Variants in CCNB3 observed in about 807,000 individuals in gnomAD.
CCNB3 encodes the protein cyclin B3, also known as G2/mitotic-specific cyclin-B3.
CCNB3 carries 12 observed loss-of-function variants against 68.0 expected under a neutral mutation model. The observed-to-expected ratio is 0.18, with a 90% CI of 0.11 to 0.29. The LOEUF (loss-of-function observed/expected upper bound fraction) is 0.29. Among genes scored for constraint, CCNB3 ranks in the 10% least tolerant of loss-of-function variants. CCNB3 has a pLI of 1.00. For missense variants in CCNB3, 904 were observed against 993.1 expected, an observed-to-expected ratio of 0.91 and a Z score of 1.21; for synonymous variants, 354 against 388.9, an observed-to-expected ratio of 0.91 and a Z score of 1.06.
Position 50,294,971 on chromosome X carries a change from A to C in CCNB3, c.313A>C (p.Lys105Gln), listed in dbSNP as rs141684318. The part of the protein sequence containing the change: ...RNTHALGLAK[K>Q]NKRNLKWHKL... ...CACACATGCTCTTGGACTGGCCAAA[A>C]AGAATAAGCGGAATCTAAAATGGTG... The change falls in exon 5 of 13, where the codon AAG becomes CAG. Residue 105 changes from lysine to glutamine, a missense_variant. Physicochemically the swap from Lys to Gln is moderately conservative, Grantham distance 53. This residue lies in a region of CCNB3 where 619 missense variants were observed against 609.8 expected (regional missense o/e 1.02). Transcript: ENST00000376042. 1 of 1,207,269 alleles carries C rather than the reference A, an allele frequency of 8.3e-7. No individual in the cohort carries two copies.
At chrX:50,302,405 C>A (rs1489783071) in intron 5 of CCNB3, among the ~76,000 whole-genome samples, 2 of 112,000 alleles carry the variant, frequency 1.8e-5, no homozygotes, top group Admixed American at 1.9e-4. Flanking sequence ...TTACTGAGAG[C>A]TCACTGTGAT....
At chrX:50,283,111 T>C (rs1602198318) in intron 1 of CCNB3, among the ~76,000 whole-genome samples, 1 of 111,832 alleles carries the variant, frequency 8.9e-6, no homozygotes, top group East Asian at 2.8e-4. Flanking sequence ...AATTTGCATC[T>C]GAGCCACACA....
intron 8 of CCNB3, among the ~76,000 whole-genome samples, chrX:50,338,693 A>G (rs183667892): frequency 8.9e-6 from 1 of 112,607 alleles, no homozygotes; most frequent in African/African-American, 3.2e-5. Flanking sequence ...TGGTCACAAG[A>G]CAATATGAGG....
intron 5 of CCNB3, among the ~76,000 whole-genome samples, chrX:50,300,885 G>A (rs933030789): frequency 1.1e-4 from 12 of 110,527 alleles, no homozygotes; most frequent in Admixed American, 8.7e-4. Flanking sequence ...CATTCATTTC[G>A]TCTTCCGTTG....
At chrX:50,350,980 A>T (rs1226348191) in intron 11 of CCNB3, among the ~76,000 whole-genome samples, 1 of 111,535 alleles carries the variant, frequency 9.0e-6, no homozygotes. Context: ...TACAGGCATG[A>T]TCCCTACCAC....
rs1470822336 is a variant in CCNB3 at position 50,293,904 on chromosome X, T to C, written c.205-959T>C. ...GTAGTTATGGTACTTATTTGAAATATAATTAGGTTCATTTGTGTCATTTAA... is the reference window on the plus strand; with the variant it reads ...GTAGTTATGGTACTTATTTGAAATACAATTAGGTTCATTTGTGTCATTTAA... On this transcript the variant is annotated intron_variant, in intron 4 of 12. Transcript: ENST00000376042. Among the ~76,000 whole-genome samples the C allele has an allele frequency of 2.7e-5, 3 of 111,781 alleles. No individual in the cohort carries two copies. In the Admixed American group the frequency reaches 2.9e-4, roughly 11 times the overall value.
At chrX:50,341,325 G>A (rs1397013617) in intron 8 of CCNB3, among the ~76,000 whole-genome samples, 2 of 71,606 alleles carry the variant, frequency 2.8e-5, no homozygotes, top group Non-Finnish European at 5.9e-5. Context: ...GCGAAACTCC[G>A]TCTCAATAAA....
chrX:50,328,223 G>C (rs1922393563), intron 8 of CCNB3, among the ~76,000 whole-genome samples: 1 of 112,233 alleles, frequency 8.9e-6, no homozygotes, highest in Non-Finnish European at 1.9e-5. Flanking sequence ...ATTTATTATA[G>C]TACTGTGTTA....
At chrX:50,284,731 C>T (rs1936205233) in intron 2 of CCNB3, 115 bp downstream of exon 2, 1 of 149,788 alleles carries the variant, frequency 6.7e-6, no homozygotes, top group Non-Finnish European at 1.3e-5. Flanking sequence ...CTGTCATGTT[C>T]TTCCTTGTTT....
chrX:50,335,093 G>A (rs781846621), intron 8 of CCNB3, among the ~76,000 whole-genome samples: 245 of 111,931 alleles, frequency 2.2e-3, no homozygotes, highest in African/African-American at 7.7e-3. Flanking sequence ...CCCAGCAGAA[G>A]GTCGTCCGTG....
At chrX:50,332,413 C>G (rs782682205) in intron 8 of CCNB3, among the ~76,000 whole-genome samples, 1 of 111,789 alleles carries the variant, frequency 8.9e-6, no homozygotes, top group African/African-American at 3.3e-5. Context: ...TGTTGCCCTA[C>G]CTCGGTAACC....
intron 1 of CCNB3, among the ~76,000 whole-genome samples, chrX:50,279,032 A>C (rs1259619696): frequency 1.7e-5 from 1 of 57,770 alleles, no homozygotes; most frequent in Non-Finnish European, 2.8e-5. Context: ...GAATATATTT[A>C]TAGAATATAG....
At chrX:50,226,106 G>A (rs1289907485) in intron 1 of CCNB3, among the ~76,000 whole-genome samples, 1 of 71,582 alleles carries the variant, frequency 1.4e-5, no homozygotes, top group South Asian at 7.1e-4. Flanking sequence ...TATAGAATAT[G>A]TATAAATATA....
At chrX:50,279,431 TAA>T (rs1936040255) in intron 1 of CCNB3, among the ~76,000 whole-genome samples, 4 of 73,461 alleles carry the variant, frequency 5.4e-5, no homozygotes, top group African/African-American at 6.8e-5. Context: ...TAAATATATA[TAA>T]ATATATATAT....
At chrX:50,323,517 G>A (rs1317835323) in intron 8 of CCNB3, among the ~76,000 whole-genome samples, 1 of 111,212 alleles carries the variant, frequency 9.0e-6, no homozygotes, top group Non-Finnish European at 1.9e-5. Context: ...GTATACATAT[G>A]TAACAAACTT....
At chrX:50,297,023 A>C (rs1440411713) in intron 5 of CCNB3, among the ~76,000 whole-genome samples, 9 of 110,883 alleles carry the variant, frequency 8.1e-5, no homozygotes, top group African/African-American at 2.3e-4. Context: ...TAGATTCTGG[A>C]TATTAGCCCT....
chrX:50,280,117 AATATATATAGAATATATGT>A (rs1272323320), intron 1 of CCNB3, among the ~76,000 whole-genome samples: 2 of 81,414 alleles, frequency 2.5e-5, no homozygotes, highest in Non-Finnish European at 4.6e-5. Context: ...AGAATATATA[AATATATATAGAATATATGT>A]AAAAATATAT....
At chrX:50,301,276 T>G (rs1363851555) in intron 5 of CCNB3, among the ~76,000 whole-genome samples, 4 of 111,490 alleles carry the variant, frequency 3.6e-5, no homozygotes, top group Non-Finnish European at 7.5e-5. Flanking sequence ...TATCTGCCTT[T>G]GGTCTTTGGT....
At chrX:50,330,467 C>T (rs1922541452) in intron 8 of CCNB3, among the ~76,000 whole-genome samples, 1 of 111,477 alleles carries the variant, frequency 9.0e-6, no homozygotes, top group Admixed American at 9.5e-5. Context: ...ACTACCCACC[C>T]CTTTGAGAAC....
Sources: gnomAD v4.1 joint callset for allele counts (sites outside exome capture counted in the v4.1 genomes callset) on GRCh38, gnomAD v4.1.1 for gene constraint, gnomAD v4.1.1 regional missense constraint, MANE v1.5 for transcripts, NCBI Gene and HGNC (gene_info 2026-07-23, HGNC 2026-07-21) for gene names.